The following CCDC178 variants were observed in gnomAD, a reference collection of about 807,000 sequenced individuals.
The protein encoded by CCDC178 is coiled-coil domain-containing protein 178.
Under a neutral mutation model 117.4 loss-of-function variants are expected in CCDC178, and 126 were observed. The observed-to-expected ratio is 1.07, with a 90% CI of 0.93 to 1.24. The LOEUF is 1.24. CCDC178 is among the 50% of genes most tolerant of loss of function. The pLI is 0.00. For missense variants in CCDC178, 1,030 were observed against 986.9 expected, an observed-to-expected ratio of 1.04 and a Z score of -0.59; for synonymous variants, 283 against 313.4, an observed-to-expected ratio of 0.90 and a Z score of 1.02.
At chr18:33,018,769 T>C (rs549965104) in intron 21 of CCDC178, among the ~76,000 whole-genome samples, 1 of 152,240 alleles carries the variant, frequency 6.6e-6, no homozygotes, top group East Asian at 1.9e-4. Context: ...CTATTAAGTA[T>C]GGAACTTCTT....
intron 9 of CCDC178, among the ~76,000 whole-genome samples, chr18:33,340,763 A>G (rs1291636131): frequency 1.3e-5 from 2 of 152,214 alleles, no homozygotes; most frequent in African/African-American, 4.8e-5. Flanking sequence ...ACAGAAGTCA[A>G]GAAATGAGGT....
intron 20 of CCDC178, among the ~76,000 whole-genome samples, chr18:33,123,113 T>A (rs2057959774): frequency 6.6e-6 from 1 of 152,162 alleles, no homozygotes; most frequent in African/African-American, 2.4e-5. Flanking sequence ...TTCATCTTTA[T>A]CATCACATGT....
chr18:33,171,115 G>GA (rs1267231145), intron 20 of CCDC178, among the ~76,000 whole-genome samples: 4 of 151,922 alleles, frequency 2.6e-5, no homozygotes, highest in Admixed American at 2.6e-4. Flanking sequence ...AAACACAACT[G>GA]AAAAAATATA....
At chr18:33,083,025 G>A (rs437977) in intron 21 of CCDC178, among the ~76,000 whole-genome samples, 21,657 of 152,144 alleles carry the variant, frequency 0.14, 2,392 homozygotes, top group African/African-American at 0.31. Flanking sequence ...AGTATGCTAT[G>A]TAATCTCATT....
intron 11 of CCDC178, among the ~76,000 whole-genome samples, chr18:33,318,047 A>T (rs983309212): frequency 4.6e-5 from 7 of 152,144 alleles, no homozygotes; most frequent in African/African-American, 1.7e-4. Context: ...GGTTCTGGGA[A>T]GTTGACTACC....
intron 12 of CCDC178, among the ~76,000 whole-genome samples, chr18:33,280,654 G>A (rs935550654): frequency 1.3e-5 from 2 of 152,040 alleles, no homozygotes; most frequent in Non-Finnish European, 1.5e-5. Context: ...ACATGCACAC[G>A]TATGTTTATT....
chr18:33,015,447 C>G (rs2055965535), intron 21 of CCDC178, among the ~76,000 whole-genome samples: 1 of 151,794 alleles, frequency 6.6e-6, no homozygotes, highest in Non-Finnish European at 1.5e-5. Context: ...TGCCTGTAGT[C>G]CCACCTACTC....
chr18:33,102,462 T>C (rs1052627948), intron 20 of CCDC178, among the ~76,000 whole-genome samples: 2 of 151,108 alleles, frequency 1.3e-5, no homozygotes, highest in African/African-American at 4.9e-5. Context: ...GTCTTTTCCT[T>C]GGAGATTCAG....
intron 20 of CCDC178, among the ~76,000 whole-genome samples, chr18:33,161,660 T>C (rs2058465332): frequency 1.3e-5 from 2 of 152,254 alleles, no homozygotes; most frequent in Middle Eastern, 3.4e-3. Flanking sequence ...ATCCTATCCA[T>C]TCACAATTAC....
At chr18:33,081,621 A>G (rs2057299604) in intron 21 of CCDC178, among the ~76,000 whole-genome samples, 1 of 152,198 alleles carries the variant, frequency 6.6e-6, no homozygotes, top group Non-Finnish European at 1.5e-5. Context: ...TGTTTTATAT[A>G]CTTTTCTCAA....
intron 12 of CCDC178, among the ~76,000 whole-genome samples, chr18:33,288,656 G>A (rs2060131286): frequency 6.6e-6 from 1 of 151,920 alleles, no homozygotes; most frequent in African/African-American, 2.4e-5. Context: ...TGTTATAAGC[G>A]CCAGCATAGG....
At chr18:32,973,650 T>C (rs1273742015) in intron 22 of CCDC178, among the ~76,000 whole-genome samples, 1 of 152,158 alleles carries the variant, frequency 6.6e-6, no homozygotes, top group African/African-American at 2.4e-5. Context: ...GCTTCATAGC[T>C]ATTCAAGTGC....
intron 20 of CCDC178, among the ~76,000 whole-genome samples, chr18:33,149,488 G>A (rs1407037974): frequency 6.6e-6 from 1 of 152,186 alleles, no homozygotes; most frequent in Admixed American, 6.5e-5. Flanking sequence ...CAGTAGGAAA[G>A]CTAGTTCTCT....
At chr18:33,227,597 CAT>C (rs1204809394) in intron 15 of CCDC178, among the ~76,000 whole-genome samples, 5 of 144,068 alleles carry the variant, frequency 3.5e-5, no homozygotes, top group African/African-American at 1.0e-4. Flanking sequence ...CACACACACA[CAT>C]AGTTTTGCAA....
chr18:33,371,021 A>T (rs990989697), intron 5 of CCDC178, among the ~76,000 whole-genome samples: 8 of 152,036 alleles, frequency 5.3e-5, no homozygotes, highest in Non-Finnish European at 8.8e-5. Context: ...CAATGAGAAC[A>T]GTGTGATGTC....
chr18:32,963,253 C>T (rs549963012), intron 22 of CCDC178, among the ~76,000 whole-genome samples: 4 of 152,132 alleles, frequency 2.6e-5, no homozygotes, highest in African/African-American at 7.2e-5. Context: ...GAATCTGTTT[C>T]CTAAGTCCCT....
At chr18:33,309,934 TTTTCTTTTATTTATTTA>T (rs1234133230) in intron 11 of CCDC178, among the ~76,000 whole-genome samples, 4 of 150,574 alleles carry the variant, frequency 2.7e-5, no homozygotes, top group African/African-American at 9.8e-5. Flanking sequence ...TTCTTTTTTC[TTTTCTTTTATTTATTTA>T]TTTATTTATT....
intron 11 of CCDC178, among the ~76,000 whole-genome samples, chr18:33,297,968 G>A (rs1317394007): frequency 6.6e-6 from 1 of 152,040 alleles, no homozygotes; most frequent in Non-Finnish European, 1.5e-5. Flanking sequence ...CGTGAACCTG[G>A]GAGGTGGAGC....
At chr18:33,311,413 G>A (rs1026103917) in intron 11 of CCDC178, among the ~76,000 whole-genome samples, 2 of 149,782 alleles carry the variant, frequency 1.3e-5, no homozygotes, top group African/African-American at 4.9e-5. Context: ...AAGACAGAGA[G>A]GCCACATGGC....
Sources: gnomAD v4.1 joint callset for allele counts (sites outside exome capture counted in the v4.1 genomes callset) on GRCh38, gnomAD v4.1.1 for gene constraint, MANE v1.5 for transcripts, NCBI Gene and HGNC (gene_info 2026-07-23, HGNC 2026-07-21) for gene names.